The following CDH18 variants were observed in gnomAD, a reference collection of about 807,000 sequenced individuals.
CDH18 encodes the protein cadherin-18.
In CDH18, 31 loss-of-function variants were observed where a neutral mutation model predicts 67.9. That is an observed-to-expected ratio of 0.46 (90% confidence interval 0.34 to 0.62). CDH18 has a LOEUF of 0.62. CDH18 is among the 20% of genes least tolerant of loss of function. CDH18 has a pLI of 0.01. For synonymous variants in CDH18, 362 were observed against 347.2 expected (o/e 1.04, Z -0.48); for missense variants, 890 against 975.5 (o/e 0.91, Z 1.17).
chr5:20,493,642 T>C (rs915515983), intron 1 of CDH18, among the ~76,000 whole-genome samples: 2 of 152,118 alleles, frequency 1.3e-5, no homozygotes, highest in African/African-American at 4.8e-5. Flanking sequence ...CTAACAGAAC[T>C]GGGCATCTTA....
Position 19,473,537 on chromosome 5 carries a change from G to C in CDH18, c.2062C>G (p.Arg688Gly). The change falls in exon 13 of 13, where the codon CGG becomes GGG. Residue 688 changes from arginine (R) to glycine (G), a missense_variant. Coordinates refer to ENST00000382275, the MANE Select transcript of CDH18 (RefSeq NM_004934.5). ...TTCACTTCAGGTCTGATATCCCTCC[G>C]GTACTTGAGCTCCTCAGCAGCAGAA... ...NPSAAEELKY[R>G]RDIRPEVKLT... 1 of 1,613,798 alleles carries C rather than the reference G, an allele frequency of 6.2e-7. No homozygotes were observed. Among genetic ancestry groups the C allele is most frequent in the Non-Finnish European group, 8.5e-7 (1 of 1,179,860 alleles).
intron 2 of CDH18, among the ~76,000 whole-genome samples, chr5:20,205,113 T>C (rs2126330079): frequency 6.6e-6 from 1 of 151,820 alleles, no homozygotes; most frequent in East Asian, 1.9e-4. Flanking sequence ...ACACATAGAG[T>C]GGCTAAATGA....
chr5:19,675,424 A>C (rs1759344623), intron 5 of CDH18, among the ~76,000 whole-genome samples: 1 of 152,018 alleles, frequency 6.6e-6, no homozygotes, highest in Non-Finnish European at 1.5e-5. Flanking sequence ...CGTAAAAGAC[A>C]GATGTCCCCA....
At chr5:20,447,894 AT>A (rs573268473) in intron 1 of CDH18, among the ~76,000 whole-genome samples, 14 of 151,374 alleles carry the variant, frequency 9.2e-5, no homozygotes, top group East Asian at 3.9e-4. Context: ...ATTTTATTTT[AT>A]TTTTTTTAAT....
intron 2 of CDH18, among the ~76,000 whole-genome samples, chr5:20,172,184 TTG>T: frequency 3.9e-5 from 1 of 25,820 alleles, no homozygotes; most frequent in South Asian, 1.2e-3. Flanking sequence ...ATCAATAGCA[TTG>T]TGTGTATATA....
At chr5:20,476,359 G>C (rs966342529) in intron 1 of CDH18, among the ~76,000 whole-genome samples, 1 of 133,122 alleles carries the variant, frequency 7.5e-6, no homozygotes, top group African/African-American at 3.0e-5. Context: ...AAAAAAAAAA[G>C]CCTGAAAATA....
In CDH18 at chr5:19,898,144, A is replaced by G. The variant is rs114267064; in HGVS notation, c.-256-58902T>C. On this transcript the variant is annotated intron_variant, in intron 2 of 12. Coordinates refer to ENST00000382275, the MANE Select transcript of CDH18 (RefSeq NM_004934.5). ...AGACTTGGGAATTATTTTTCTCTAT[A>G]TTATTTTATTTATCTCTGTATTATT... Among the ~76,000 whole-genome samples, 994 of 152,070 alleles carry G rather than the reference A, an allele frequency of 6.5e-3. 7 individuals are homozygous for G. The highest frequency in any genetic ancestry group is 0.01 in the Non-Finnish European group (703 of 67,890).
intron 2 of CDH18, among the ~76,000 whole-genome samples, chr5:19,876,319 C>G (rs975167532): frequency 6.6e-6 from 1 of 152,074 alleles, no homozygotes; most frequent in African/African-American, 2.4e-5. Context: ...TTCTAGGAGT[C>G]AGTCCCAAAG....
At chr5:19,847,352 C>A (rs1204797294) in intron 2 of CDH18, among the ~76,000 whole-genome samples, 1 of 151,984 alleles carries the variant, frequency 6.6e-6, no homozygotes, top group African/African-American at 2.4e-5. Context: ...AATGGCCTGT[C>A]TTTAAGTTAT....
intron 1 of CDH18, among the ~76,000 whole-genome samples, chr5:20,553,870 G>T (rs1202969901): frequency 6.6e-6 from 1 of 151,946 alleles, no homozygotes; most frequent in African/African-American, 2.4e-5. Context: ...AATCCGGATC[G>T]GGATTATTGT....
At position 19,686,602 on chromosome 5, in the gene CDH18, T is replaced by G. The variant is rs577192033; in HGVS notation, c.643+34745A>C. On this transcript the variant is annotated intron_variant, in intron 5 of 12. Coordinates refer to ENST00000382275, the MANE Select transcript of CDH18 (RefSeq NM_004934.5). The stretch of plus-strand genomic sequence containing the variant: ...TGGGATGCAGTTGTCTGTGTTCACC[T>G]AGTGTTTCTTATGGATGAAATTGTG... 7.9e-5 allele frequency among the ~76,000 whole-genome samples: 12 copies of G among 152,276 alleles called. No homozygotes were observed. In the South Asian group the frequency reaches 2.5e-3, roughly 32 times the overall value.
chr5:19,983,150 A>G (rs902686041), intron 1 of CDH18, among the ~76,000 whole-genome samples: 4 of 152,104 alleles, frequency 2.6e-5, no homozygotes, highest in African/African-American at 9.7e-5. Context: ...TCTCATTTAT[A>G]TCACACTGGT....
chr5:19,937,921 C>T (rs986759524), intron 2 of CDH18, among the ~76,000 whole-genome samples: 1 of 149,694 alleles, frequency 6.7e-6, no homozygotes, highest in African/African-American at 2.5e-5. Flanking sequence ...ACAAGAATCA[C>T]ATTTCAAATT....
intron 9 of CDH18, among the ~76,000 whole-genome samples, chr5:19,533,746 A>G (rs2127002022): frequency 6.6e-6 from 1 of 152,226 alleles, no homozygotes; most frequent in Admixed American, 6.5e-5. Context: ...ACCTGAAAAA[A>G]GCCATATTTA....
chr5:20,216,880 C>G (rs1216398979), intron 2 of CDH18, among the ~76,000 whole-genome samples: 1 of 151,810 alleles, frequency 6.6e-6, no homozygotes, highest in African/African-American at 2.4e-5. Flanking sequence ...GCAGAAAGAG[C>G]AAGAGCAAGG....
chr5:20,396,623 C>A (rs2150123386), intron 1 of CDH18, among the ~76,000 whole-genome samples: 1 of 146,458 alleles, frequency 6.8e-6, no homozygotes, highest in South Asian at 2.2e-4. Flanking sequence ...ATTTTATTCA[C>A]AAACATTAGA....
chr5:20,209,434 C>T (rs1054733422), intron 2 of CDH18, among the ~76,000 whole-genome samples: 5 of 151,958 alleles, frequency 3.3e-5, no homozygotes, highest in African/African-American at 1.2e-4. Flanking sequence ...ATAGTGAAAT[C>T]CTGTCATTTG....
intron 2 of CDH18, among the ~76,000 whole-genome samples, chr5:20,201,955 T>C (rs1382676518): frequency 1.3e-5 from 2 of 152,134 alleles, no homozygotes; most frequent in Admixed American, 6.6e-5. Context: ...AAATTTGAAA[T>C]TGATTCCAGA....
chr5:20,257,171 G>A (rs910521403), intron 1 of CDH18, among the ~76,000 whole-genome samples: 1 of 151,996 alleles, frequency 6.6e-6, no homozygotes, highest in African/African-American at 2.4e-5. Flanking sequence ...TGATTTCCAA[G>A]TTTAATTCCA....
Sources: gnomAD v4.1 joint callset for allele counts (sites outside exome capture counted in the v4.1 genomes callset) on GRCh38, gnomAD v4.1.1 for gene constraint, MANE v1.5 for transcripts, NCBI Gene and HGNC (gene_info 2026-07-23, HGNC 2026-07-21) for gene names.